Variants in SLC18A2 observed in about 807,000 individuals in gnomAD.
The protein encoded by SLC18A2 is solute carrier family 18 member A2.
A neutral mutation model predicts 59.2 loss-of-function variants in SLC18A2; 33 were observed. The observed-to-expected ratio is 0.56, with a 90% confidence interval of 0.42 to 0.75. The LOEUF is 0.75. Ranked by LOEUF, SLC18A2 falls within the 30% of genes least tolerant of loss-of-function variation. The probability of loss-of-function intolerance (pLI) is 0.00; values close to 1 mark genes in which losing one functional copy is unlikely to be tolerated. For synonymous variants in SLC18A2, 228 were observed against 253.5 expected, an observed-to-expected ratio of 0.90 and a Z score of 0.95; for missense variants, 569 against 668.6, an observed-to-expected ratio of 0.85 and a Z score of 1.64.
intron 15 of SLC18A2, among the ~76,000 whole-genome samples, chr10:117,275,890 C>G (rs900129251): frequency 2.0e-5 from 3 of 152,090 alleles, no homozygotes; most frequent in Non-Finnish European, 2.9e-5. Context: ...AGCTAGAGGA[C>G]AGCCAGGATT....
At chr10:117,274,049 G>A (rs1474755811) in intron 15 of SLC18A2, among the ~76,000 whole-genome samples, 1 of 152,078 alleles carries the variant, frequency 6.6e-6, no homozygotes, top group African/African-American at 2.4e-5. Context: ...CCTGCACTGC[G>A]GCCGCCCTAC....
At position 117,245,606 on chromosome 10, in the gene SLC18A2, T is replaced by G. The variant is rs1844102363; in HGVS notation, c.464+1293T>G. Among the ~76,000 whole-genome samples the G allele has an allele frequency of 2.7e-5, 4 of 148,800 alleles. No individual in the cohort carries two copies. In the South Asian group the frequency reaches 8.6e-4, roughly 32 times the overall value. ...ATAATTTGTGGGTCTCGGTGCAAAA[T>G]GAAAATGTGTGCCCCACATTCAAAC... On this transcript the variant is annotated intron_variant, in intron 3 of 15. Coordinates refer to ENST00000644641, the MANE Select transcript of SLC18A2 (RefSeq NM_003054.6).
chr10:117,274,454 T>G (rs142341904), intron 15 of SLC18A2, among the ~76,000 whole-genome samples: 1 of 152,242 alleles, frequency 6.6e-6, no homozygotes, highest in East Asian at 1.9e-4. Flanking sequence ...CATTCAGGTC[T>G]AATGTGGATG....
chr10:117,249,728 T>C (rs1844141854), intron 3 of SLC18A2, among the ~76,000 whole-genome samples: 1 of 152,222 alleles, frequency 6.6e-6, no homozygotes. Flanking sequence ...TCATTGACCA[T>C]TTAGGGACAG....
intron 9 of SLC18A2, among the ~76,000 whole-genome samples, chr10:117,257,339 T>G (rs530100135): frequency 2.6e-5 from 4 of 152,012 alleles, no homozygotes; most frequent in African/African-American, 9.6e-5. Context: ...CTGATCCTGC[T>G]TGGATTTTCT....
At chr10:117,263,825 G>T (rs1166987088) in intron 10 of SLC18A2, among the ~76,000 whole-genome samples, 1 of 152,146 alleles carries the variant, frequency 6.6e-6, no homozygotes, top group African/African-American at 2.4e-5. Flanking sequence ...TATTTAATGA[G>T]CTGTGGGGAT....
rs11568719 is a variant in SLC18A2, at chr10:117,254,072, C to G, written c.548C>G (p.Ala183Gly). Residue 183 changes from alanine to glycine, a missense_variant, in exon 5 of 16, where the codon GCC (alanine) becomes GGC (glycine). Transcript: ENST00000644641. ...GTGTTTGCCTTCTCCAGCAGCTATG[C>G]CTTCCTGCTGATTGCCAGGTCGCTG... ...TIMFAFSSSY[A>G]FLLIARSLQG... is the part of the protein sequence containing the mutation. 5 of 1,613,710 alleles carry G rather than the reference C, an allele frequency of 3.1e-6. No individual in the cohort carries two copies. Among genetic ancestry groups the G allele is most frequent in the Non-Finnish European group, 4.2e-6 (5 of 1,180,044 alleles).
chr10:117,270,563 A>T (rs1844413698), intron 15 of SLC18A2, 100 bp downstream of exon 15: 2 of 1,355,244 alleles, frequency 1.5e-6, no homozygotes, highest in Non-Finnish European at 2.0e-6. Flanking sequence ...TCAAACATAA[A>T]TGGTGAGAAT....
chr10:117,270,078 G>A lies in SLC18A2; in HGVS notation c.1194G>A (p.Val398=), dbSNP rs1295904181. The A allele has an allele frequency of 1.9e-6, 3 of 1,614,166 alleles. No homozygotes were observed. Among genetic ancestry groups the A allele is most frequent in the South Asian group, 2.2e-5 (2 of 91,082 alleles). The change falls in exon 14 of 16, where the codon GTG becomes GTA. Residue 398 remains valine (V), a synonymous_variant. Coordinates refer to ENST00000644641, the MANE Select transcript of SLC18A2 (RefSeq NM_003054.6). ...TTCCCTGACTGTCTTCAGGAATGGT[G>A]GATTCGTCAATGATGCCTATCATGG... ...NFGVGFAIGM[V]DSSMMPIMGY...
At chr10:117,274,423 CCTT>C (rs1416376083) in intron 15 of SLC18A2, among the ~76,000 whole-genome samples, 2 of 152,078 alleles carry the variant, frequency 1.3e-5, no homozygotes, top group Non-Finnish European at 2.9e-5. Flanking sequence ...GTTCTGGGGT[CCTT>C]AAGATGACAT....
intron 15 of SLC18A2, among the ~76,000 whole-genome samples, chr10:117,275,614 C>A (rs1844479419): frequency 6.6e-6 from 1 of 152,200 alleles, no homozygotes; most frequent in African/African-American, 2.4e-5. Flanking sequence ...TAGCTGTACA[C>A]CCCTCGGTCA....
intron 15 of SLC18A2, among the ~76,000 whole-genome samples, chr10:117,271,113 A>G (rs1054093211): frequency 6.6e-6 from 1 of 152,202 alleles, no homozygotes; most frequent in East Asian, 1.9e-4. Flanking sequence ...TAACCTTTCT[A>G]AGGTATTTAC....
intron 9 of SLC18A2, 58 bp downstream of exon 9, chr10:117,255,715 A>T: frequency 2.6e-6 from 4 of 1,522,058 alleles, no homozygotes; most frequent in Non-Finnish European, 3.6e-6. Flanking sequence ...CGCGTGCTGG[A>T]GGCAGGGGTG....
chr10:117,250,371 C>T (rs1202803541), intron 3 of SLC18A2, among the ~76,000 whole-genome samples: 7 of 152,326 alleles, frequency 4.6e-5, no homozygotes, highest in Non-Finnish European at 1.0e-4. Flanking sequence ...TGTCTCTGAA[C>T]CTCAGCTTTC....
At position 117,253,466 on chromosome 10, in the gene SLC18A2, G is replaced by A; in HGVS notation, c.523+9G>A. The stretch of plus-strand genomic sequence containing the variant: ...GTTTGTCTCAACAATTAGTAAGTGT[G>A]TGGTGTTTTCCTTCTGAGTGTGGGT... On this transcript the variant is annotated intron_variant, in intron 4 of 15. Coordinates refer to ENST00000644641, the MANE Select transcript of SLC18A2 (RefSeq NM_003054.6). 6.2e-7 allele frequency: 1 copy of A among 1,601,848 alleles called. No homozygotes were observed. Among genetic ancestry groups the A allele is most frequent in the African/African-American group, 1.3e-5 (1 of 74,220 alleles).
At chr10:117,266,336 TTTTG>T (rs1179427587) in intron 10 of SLC18A2, among the ~76,000 whole-genome samples, 9 of 152,154 alleles carry the variant, frequency 5.9e-5, no homozygotes, top group African/African-American at 9.7e-5. Flanking sequence ...ACATTTTTCT[TTTTG>T]TTTATCTCAC....
At chr10:117,273,841 A>G (rs1844453432) in intron 15 of SLC18A2, among the ~76,000 whole-genome samples, 1 of 152,188 alleles carries the variant, frequency 6.6e-6, no homozygotes, top group Admixed American at 6.5e-5. Flanking sequence ...TTGGTCCACC[A>G]TGTTGGTTTG....
chr10:117,272,719 T>C (rs1226563450), intron 15 of SLC18A2, among the ~76,000 whole-genome samples: 1 of 152,184 alleles, frequency 6.6e-6, no homozygotes, highest in Non-Finnish European at 1.5e-5. Flanking sequence ...TGAGAAGGTG[T>C]GCATCTCGCT....
intron 10 of SLC18A2, among the ~76,000 whole-genome samples, chr10:117,259,097 A>C (rs1436242967): frequency 1.3e-5 from 2 of 152,194 alleles, no homozygotes; most frequent in African/African-American, 4.8e-5. Flanking sequence ...ATTGCATTAC[A>C]GCTTCTTGTT....
Sources: gnomAD v4.1 joint callset for allele counts (sites outside exome capture counted in the v4.1 genomes callset) on GRCh38, gnomAD v4.1.1 for gene constraint, MANE v1.5 for transcripts, NCBI Gene and HGNC (gene_info 2026-07-23, HGNC 2026-07-21) for gene names.